The following ELAVL2 variants were observed in gnomAD, a reference collection of about 807,000 sequenced individuals.
ELAVL2 encodes ELAV-like protein 2.
Under a neutral mutation model 34.6 loss-of-function variants are expected in ELAVL2, and 4 were observed. That is an observed-to-expected ratio of 0.12 (90% CI 0.06 to 0.26). The LOEUF is 0.26. Ranked by LOEUF, ELAVL2 falls within the 10% of genes least tolerant of loss-of-function variation. The pLI is 1.00. For missense variants in ELAVL2, 432 were observed against 442.8 expected, an observed-to-expected ratio of 0.98 and a Z score of 0.22; for synonymous variants, 193 against 154.8, an observed-to-expected ratio of 1.25 and a Z score of -1.83.
intron 1 of ELAVL2, among the ~76,000 whole-genome samples, chr9:23,819,376 CAT>C (rs2064197989): frequency 6.6e-6 from 1 of 152,108 alleles, no homozygotes; most frequent in African/African-American, 2.4e-5. Context: ...TATAAAAACA[CAT>C]CTTAGGCCTA....
chr9:23,779,357 A>T, intron 1 of ELAVL2: 1 of 985,460 alleles, frequency 1.0e-6, no homozygotes, highest in Non-Finnish European at 1.2e-6. Flanking sequence ...GAAAGTCTTC[A>T]AAGGCAAGGG....
At chr9:23,827,519 T>A (rs927275747), upstream of ELAVL2, among the ~76,000 whole-genome samples, 2 of 152,222 alleles carry the variant, frequency 1.3e-5, no homozygotes, top group African/African-American at 4.8e-5. Context: ...AGACAGTTTT[T>A]ACCATTCTTA....
At chr9:23,784,661 C>T (rs1441441537) in intron 1 of ELAVL2, among the ~76,000 whole-genome samples, 1 of 152,202 alleles carries the variant, frequency 6.6e-6, no homozygotes, top group East Asian at 1.9e-4. Context: ...CTATCCTCAA[C>T]CATTCCTTTT....
At chr9:23,696,016 T>C (rs1228990201) in intron 5 of ELAVL2, among the ~76,000 whole-genome samples, 2 of 152,318 alleles carry the variant, frequency 1.3e-5, no homozygotes, top group Middle Eastern at 3.4e-3. Context: ...GGCATCTTTT[T>C]TACCCTATCT....
intron 3 of ELAVL2, among the ~76,000 whole-genome samples, chr9:23,715,681 G>T (rs2042111441): frequency 6.6e-6 from 1 of 152,130 alleles, no homozygotes; most frequent in Non-Finnish European, 1.5e-5. Flanking sequence ...ATACTATCAA[G>T]ATAACCATGG....
intron 5 of ELAVL2, among the ~76,000 whole-genome samples, chr9:23,694,865 G>C (rs1021101022): frequency 6.6e-6 from 1 of 151,666 alleles, no homozygotes; most frequent in African/African-American, 2.4e-5. Context: ...GTCTCTGTGT[G>C]CGTGGTGCGT....
intron 1 of ELAVL2, among the ~76,000 whole-genome samples, chr9:23,789,489 G>A (rs1028463339): frequency 7.2e-5 from 11 of 152,268 alleles, no homozygotes; most frequent in Admixed American, 2.6e-4. Flanking sequence ...ATACAATTCG[G>A]TAAAACTTTT....
intron 3 of ELAVL2, among the ~76,000 whole-genome samples, chr9:23,715,756 TAA>T (rs2042132941): frequency 6.6e-6 from 1 of 152,142 alleles, no homozygotes; most frequent in South Asian, 2.1e-4. Flanking sequence ...CTAGTATGCC[TAA>T]GACACTGTCA....
At chr9:23,706,482 T>A (rs2039360829) in intron 3 of ELAVL2, among the ~76,000 whole-genome samples, 1 of 152,196 alleles carries the variant, frequency 6.6e-6, no homozygotes, top group South Asian at 2.1e-4. Context: ...CCTGCCCCAA[T>A]TGTAATTGAT....
At chr9:23,707,302 T>C (rs1393083142) in intron 3 of ELAVL2, among the ~76,000 whole-genome samples, 1 of 152,228 alleles carries the variant, frequency 6.6e-6, no homozygotes, top group African/African-American at 2.4e-5. Context: ...CTTAATTTCT[T>C]TTCTCGTGTA....
At chr9:23,744,749 A>G (rs983084334) in intron 2 of ELAVL2, among the ~76,000 whole-genome samples, 1 of 151,614 alleles carries the variant, frequency 6.6e-6, no homozygotes. Flanking sequence ...ACCCCCCACG[A>G]AAAAAAATAA....
At chr9:23,811,299 G>A (rs534092011) in intron 1 of ELAVL2, among the ~76,000 whole-genome samples, 6 of 151,376 alleles carry the variant, frequency 4.0e-5, no homozygotes, top group African/African-American at 7.3e-5. Context: ...AAAAGGTAAC[G>A]CAGCGTACAA....
At chr9:23,808,320 CTA>C (rs560578273) in intron 1 of ELAVL2, among the ~76,000 whole-genome samples, 12 of 152,084 alleles carry the variant, frequency 7.9e-5, no homozygotes, top group Non-Finnish European at 1.8e-4. Context: ...CCAATAAACT[CTA>C]AGTTTCATAT....
chr9:23,779,165 C>T (rs2136683352), intron 1 of ELAVL2: 1 of 983,458 alleles, frequency 1.0e-6, no homozygotes, highest in Non-Finnish European at 1.2e-6. Context: ...CATGACAAAC[C>T]ACAAATTGTA....
intron 1 of ELAVL2, among the ~76,000 whole-genome samples, chr9:23,778,642 AT>A (rs2058602563): frequency 6.6e-6 from 1 of 152,140 alleles, no homozygotes; most frequent in African/African-American, 2.4e-5. Flanking sequence ...GCTAAAGAGT[AT>A]ATGCTTTTCT....
At chr9:23,703,116 G>A (rs112213761) in intron 4 of ELAVL2, among the ~76,000 whole-genome samples, 1 of 152,070 alleles carries the variant, frequency 6.6e-6, no homozygotes, top group Non-Finnish European at 1.5e-5. Context: ...ATTTTTAGCA[G>A]GGTTCCAGAA....
At chr9:23,844,597 TTAAAC>T in the ELAVL2 span, among the ~76,000 whole-genome samples, 1 of 152,016 alleles carries the variant, frequency 6.6e-6, no homozygotes, top group Admixed American at 6.6e-5. Flanking sequence ...AATCAGCTCT[TTAAAC>T]TACCTATCCC....
intron 2 of ELAVL2, among the ~76,000 whole-genome samples, chr9:23,755,588 G>C (rs79458588): frequency 0.012 from 1,838 of 152,178 alleles, 25 homozygotes; most frequent in Non-Finnish European, 0.019. Context: ...CAAAAATAGA[G>C]GTTCCACAAA....
intron 1 of ELAVL2, among the ~76,000 whole-genome samples, chr9:23,775,527 T>C (rs939370228): frequency 1.3e-5 from 2 of 152,182 alleles, no homozygotes; most frequent in African/African-American, 4.8e-5. Flanking sequence ...GATCTCTCTA[T>C]TTCCAGGCTT....
Sources: allele counts gnomAD v4.1 joint callset (sites outside exome capture counted in the v4.1 genomes callset), GRCh38; gene constraint gnomAD v4.1.1; transcripts MANE v1.5; gene names NCBI Gene and HGNC (gene_info 2026-07-23, HGNC 2026-07-21).